DTHD1: variants seen among roughly 807,000 people sequenced by gnomAD.
The protein encoded by DTHD1 is death domain containing 1, also known as death domain-containing protein 1.
In DTHD1, 59 loss-of-function variants were observed where a neutral mutation model predicts 74.8. The observed-to-expected ratio is 0.79, with a 90% CI of 0.64 to 0.98. The LOEUF (loss-of-function observed/expected upper bound fraction) is 0.98, where lower values mean the gene tolerates loss of function less well. Among genes scored for constraint, DTHD1 ranks in the 50% least tolerant of loss-of-function variants. The pLI is 0.00. For synonymous variants in DTHD1, 365 were observed against 371.1 expected, an observed-to-expected ratio of 0.98 and a Z score of 0.19; for missense variants, 1,051 against 1,065.4, an observed-to-expected ratio of 0.99 and a Z score of 0.19.
chr4:36,303,475 C>T (rs903473393), intron 5 of DTHD1, among the ~76,000 whole-genome samples: 4 of 151,978 alleles, frequency 2.6e-5, no homozygotes, highest in African/African-American at 9.7e-5. Flanking sequence ...ATATTTTTTC[C>T]TCAACCAGGA....
intron 8 of DTHD1, among the ~76,000 whole-genome samples, chr4:36,338,549 T>G (rs1305792939): frequency 6.6e-6 from 1 of 151,548 alleles, no homozygotes; most frequent in Non-Finnish European, 1.5e-5. Flanking sequence ...GATAATTTTA[T>G]TTTATCTCAT....
At chr4:36,289,889 A>C (rs534681244) in intron 2 of DTHD1, among the ~76,000 whole-genome samples, 104 of 152,034 alleles carry the variant, frequency 6.8e-4, no homozygotes, top group African/African-American at 2.4e-3. Context: ...AAAATATATA[A>C]TCATCATCAT....
intron 8 of DTHD1, among the ~76,000 whole-genome samples, chr4:36,331,622 G>A (rs986506393): frequency 1.3e-5 from 2 of 152,124 alleles, no homozygotes; most frequent in Admixed American, 6.6e-5. Context: ...TGAGGTTAGG[G>A]CAGCTGGATG....
intron 1 of DTHD1, among the ~76,000 whole-genome samples, 155 bp downstream of exon 1, chr4:36,282,184 A>C (rs1041468621): frequency 6.6e-6 from 1 of 152,220 alleles, no homozygotes; most frequent in Non-Finnish European, 1.5e-5. Context: ...AGACAAATGC[A>C]CAATAATGCC....
intron 1 of DTHD1, 31 bp from the exon 2 acceptor site, chr4:36,283,945 A>G (rs1166749267): frequency 1.4e-6 from 2 of 1,420,712 alleles, no homozygotes; most frequent in African/African-American, 2.9e-5. Flanking sequence ...TTTTGTATTT[A>G]TTCTTTGTGT....
chr4:36,304,871 C>A (rs779880328), intron 5 of DTHD1, among the ~76,000 whole-genome samples: 3 of 152,084 alleles, frequency 2.0e-5, no homozygotes, highest in Non-Finnish European at 2.9e-5. Flanking sequence ...AATAATCTTT[C>A]TGCTTATTAA....
At chr4:36,310,300 G>A (rs1023621489) in intron 7 of DTHD1, among the ~76,000 whole-genome samples, 5 of 152,200 alleles carry the variant, frequency 3.3e-5, no homozygotes, top group Non-Finnish European at 7.3e-5. Context: ...TCAAAGGAAA[G>A]AGATGAAGAG....
intron 8 of DTHD1, among the ~76,000 whole-genome samples, chr4:36,319,768 A>G (rs539269486): frequency 2.6e-5 from 4 of 152,372 alleles, no homozygotes; most frequent in South Asian, 4.1e-4. Flanking sequence ...ATTAGCCAAC[A>G]TAGATAATTT....
At position 36,343,954 on chromosome 4, in the gene DTHD1, G is replaced by C; in HGVS notation, c.*130G>C. 1.1e-6 allele frequency: 1 copy of C among 896,196 alleles called. No individual in the cohort carries two copies. The highest frequency in any genetic ancestry group is 1.8e-5 in the South Asian group (1 of 54,964). 55.5% of individuals were successfully genotyped at this position (896,196 alleles called of 1,614,324 possible). The stretch of plus-strand genomic sequence containing the variant: ...TCTATTTAATGATGTGCTATTTAAT[G>C]ATGTGAGACAAAGGGAGAAGCACGG... On this transcript the variant is annotated 3_prime_UTR_variant, in exon 10 of 10. Transcript: ENST00000639862.
chr4:36,289,678 G>A (rs952044516), intron 2 of DTHD1, among the ~76,000 whole-genome samples: 4 of 152,084 alleles, frequency 2.6e-5, no homozygotes, highest in African/African-American at 9.7e-5. Context: ...GTAAGGTCAA[G>A]TAAATAGTGA....
intron 8 of DTHD1, among the ~76,000 whole-genome samples, chr4:36,318,441 C>A (rs1324598808): frequency 6.6e-6 from 1 of 152,136 alleles, no homozygotes; most frequent in Non-Finnish European, 1.5e-5. Context: ...CTCCTGGCGA[C>A]ATTAACTTTA....
At chr4:36,341,149 C>G (rs6531432) in intron 9 of DTHD1, among the ~76,000 whole-genome samples, 105,983 of 151,956 alleles carry the variant, frequency 0.7, 37,556 homozygotes, top group African/African-American at 0.8. Flanking sequence ...GGAACTTGAG[C>G]CCTCAAGTTT....
chr4:36,313,201 T>C (rs1264081470), intron 7 of DTHD1, among the ~76,000 whole-genome samples: 1 of 152,234 alleles, frequency 6.6e-6, no homozygotes, highest in Non-Finnish European at 1.5e-5. Flanking sequence ...GGACAGCAGG[T>C]AATCCACAAA....
At chr4:36,292,676 T>C (rs950562688) in intron 3 of DTHD1, among the ~76,000 whole-genome samples, 20 of 152,228 alleles carry the variant, frequency 1.3e-4, no homozygotes, top group Non-Finnish European at 1.5e-5. Context: ...TTAGTCAGCT[T>C]TCAAATGGTA....
rs1002910066 is a variant in DTHD1 at position 36,345,662 on chromosome 4, A to G, written c.*1838A>G. ...CCAAAAAGGTACAATATGTATTTTC[A>G]TGTATTCTTGGGGCAAAGAAAACAG... is the stretch of plus-strand genomic sequence containing the variant. On this transcript the variant is annotated 3_prime_UTR_variant, in exon 10 of 10. Coordinates refer to ENST00000639862, the MANE Select transcript of DTHD1 (RefSeq NM_001170700.3). 2.6e-5 allele frequency: 4 copies of G among 152,174 alleles called. No individual in the cohort carries two copies. Among genetic ancestry groups the G allele is most frequent in the Admixed American group, 1.3e-4 (2 of 15,270 alleles). The allele number at this position is 152,174 out of a possible 1,614,324, so 9.4% of individuals were successfully genotyped here.
chr4:36,309,951 A>G (rs920773258), intron 7 of DTHD1, among the ~76,000 whole-genome samples: 8 of 152,278 alleles, frequency 5.3e-5, no homozygotes, highest in African/African-American at 1.4e-4. Flanking sequence ...AACATGCAGT[A>G]TTAGGTTTTC....
In DTHD1 at chr4:36,308,486, T is replaced by C; in HGVS notation, c.2088T>C (p.Phe696=). The C allele has an allele frequency of 1.9e-6, 3 of 1,549,896 alleles. No individual in the cohort carries two copies. Among genetic ancestry groups the C allele is most frequent in the Non-Finnish European group, 2.6e-6 (3 of 1,145,920 alleles). The change falls in exon 7 of 10, where the codon TTT becomes TTC. Residue 696 remains phenylalanine, a synonymous_variant. Transcript: ENST00000639862. Reference sequence around the variant, plus strand: ...TTTTAAGATTTACTGGAAACATATTTGCTTCAAGTAAGTATAAAGAAATCT... The same window carrying C: ...TTTTAAGATTTACTGGAAACATATTCGCTTCAAGTAAGTATAAAGAAATCT... ...QLLLRFTGNI[F]ASSNGKDYGK...
chr4:36,288,314 TC>T (rs1755841880), intron 2 of DTHD1, among the ~76,000 whole-genome samples: 1 of 152,132 alleles, frequency 6.6e-6, no homozygotes, highest in Admixed American at 6.5e-5. Flanking sequence ...TTCAGGCTGG[TC>T]TTGAATTCTT....
chr4:36,346,420 T>C lies in DTHD1; in HGVS notation c.*2596T>C, dbSNP rs901409856. Among the ~76,000 whole-genome samples, 3 of 151,870 alleles carry C rather than the reference T, an allele frequency of 2.0e-5. No individual in the cohort carries two copies. The highest frequency in any genetic ancestry group is 2.9e-5 in the Non-Finnish European group (2 of 67,944). ...CCTCTTCACAACACAGATACATTTT[T>C]CCCCCAGAATTAAAACAAATACTGC... is the stretch of plus-strand genomic sequence containing the variant. On this transcript the variant is annotated 3_prime_UTR_variant, in exon 10 of 10. Coordinates refer to ENST00000639862, the MANE Select transcript of DTHD1 (RefSeq NM_001170700.3).
Sources: allele counts gnomAD v4.1 joint callset (sites outside exome capture counted in the v4.1 genomes callset), GRCh38; gene constraint gnomAD v4.1.1; transcripts MANE v1.5; gene names NCBI Gene and HGNC (gene_info 2026-07-23, HGNC 2026-07-21).